OTOF: variants seen among roughly 807,000 people sequenced by gnomAD.
OTOF encodes the protein otoferlin, also known as fer-1-like family member 2.
OTOF carries 218 observed loss-of-function variants against 236.8 expected under a neutral mutation model. The ratio of observed to expected loss-of-function variants is 0.92; its 90% CI spans 0.82 to 1.03. The LOEUF (loss-of-function observed/expected upper bound fraction) is 1.03, where lower values mean the gene tolerates loss of function less well. OTOF is among the 50% of genes least tolerant of loss of function. The pLI is 0.00. For synonymous variants in OTOF, 1,041 were observed against 1,072.5 expected (o/e 0.97, Z 0.57); for missense variants, 2,590 against 2,694.4 (o/e 0.96, Z 0.86).
At chr2:26,478,016 C>T in intron 18 of OTOF, 1 of 1,446,170 alleles carries the variant, frequency 6.9e-7, no homozygotes, top group South Asian at 1.5e-5. Context: ...CTCTGGTGAG[C>T]TCACAGGGCC....
chr2:26,474,458 C>A (rs1000918315), intron 26 of OTOF, 55 bp downstream of exon 26: 3 of 1,507,996 alleles, frequency 2.0e-6, no homozygotes, highest in Non-Finnish European at 2.7e-6. Context: ...AGCCCTAGGC[C>A]CCAACTCCCA....
chr2:26,491,984 T>A (rs1665860387), intron 9 of OTOF, among the ~76,000 whole-genome samples: 1 of 152,256 alleles, frequency 6.6e-6, no homozygotes, highest in Admixed American at 6.5e-5. Flanking sequence ...GTTGTTTTAA[T>A]GGAGCCAAAG....
rs76111895 is a variant in OTOF, at chr2:26,532,564, G to A, written c.139-4644C>T. ...GTTTCTCAGTCCTGGGGATGGTCCT[G>A]GATAGTTCTGGAGACAGACACAGAC... On this transcript the variant is annotated intron_variant, in intron 2 of 46. Coordinates refer to ENST00000272371, the MANE Select transcript of OTOF (RefSeq NM_194248.3). 1.1e-4 allele frequency among the ~76,000 whole-genome samples: 17 copies of A among 152,326 alleles called. No individual in the cohort carries two copies. In the East Asian group the frequency reaches 2.9e-3, roughly 26 times the overall value.
chr2:26,476,814 A>G (rs1665319563), intron 22 of OTOF, 77 bp downstream of exon 22: 4 of 1,374,964 alleles, frequency 2.9e-6, no homozygotes, highest in Non-Finnish European at 4.1e-6. Context: ...CCTGTCACTC[A>G]GGCTTCCAGC....
At chr2:26,557,257 T>C (rs768361042) in intron 1 of OTOF, among the ~76,000 whole-genome samples, 5 of 152,150 alleles carry the variant, frequency 3.3e-5, no homozygotes, top group Non-Finnish European at 7.3e-5. Context: ...GCCCCAAGGC[T>C]CACTTTGCTC....
chr2:26,463,023 C>T (rs942436466), intron 41 of OTOF, among the ~76,000 whole-genome samples: 4 of 152,152 alleles, frequency 2.6e-5, no homozygotes, highest in South Asian at 2.1e-4. Context: ...GAAAACTTGG[C>T]GGAACATCAC....
At chr2:26,513,797 G>A (rs1243833780) in intron 5 of OTOF, among the ~76,000 whole-genome samples, 1 of 152,214 alleles carries the variant, frequency 6.6e-6, no homozygotes, top group African/African-American at 2.4e-5. Context: ...CCCTTCCCCG[G>A]TGTTGTCCTC....
intron 1 of OTOF, among the ~76,000 whole-genome samples, chr2:26,548,823 G>A: frequency 6.6e-6 from 1 of 152,178 alleles, no homozygotes; most frequent in Non-Finnish European, 1.5e-5. Context: ...ACTCTATGAT[G>A]TTCACACAAT....
chr2:26,558,619 G>T lies in OTOF; in HGVS notation c.-48C>A. The T allele has an allele frequency of 6.6e-7, 1 of 1,508,016 alleles. No homozygotes were observed. The highest frequency in any genetic ancestry group is 9.2e-7 in the Non-Finnish European group (1 of 1,084,722). The allele number at this position is 1,508,016 out of a possible 1,614,324, so 93.4% of individuals were successfully genotyped here. On this transcript the variant is annotated 5_prime_UTR_variant, in exon 1 of 47. Coordinates refer to ENST00000272371, the MANE Select transcript of OTOF (RefSeq NM_194248.3). ...TGCCAGGCAGGAGCAGCGGGAAGGA[G>T]CTAGCCGGTGGAGCACGGCTCACAC... is the stretch of plus-strand genomic sequence containing the variant.
intron 1 of OTOF, among the ~76,000 whole-genome samples, chr2:26,538,816 ATT>A (rs35315095): frequency 4.3e-5 from 6 of 138,728 alleles, no homozygotes; most frequent in Non-Finnish European, 4.6e-5. Flanking sequence ...GGGAAACACC[ATT>A]TTTTTTTTTT....
chr2:26,518,522 G>C (rs1409023618), intron 4 of OTOF, among the ~76,000 whole-genome samples: 1 of 152,254 alleles, frequency 6.6e-6, no homozygotes, highest in Non-Finnish European at 1.5e-5. Context: ...TTCTTTGTTA[G>C]AACATGTGTC....
intron 2 of OTOF, among the ~76,000 whole-genome samples, chr2:26,533,441 T>G (rs1666997656): frequency 6.6e-6 from 1 of 152,172 alleles, no homozygotes; most frequent in Non-Finnish European, 1.5e-5. Context: ...TCTCTCTCTC[T>G]CTGTTTCTGT....
Position 26,489,754 on chromosome 2 carries a change from G to T in OTOF, c.898-14C>A. The T allele has an allele frequency of 6.2e-7, 1 of 1,607,284 alleles. No homozygotes were observed. The highest frequency in any genetic ancestry group is 8.5e-7 in the Non-Finnish European group (1 of 1,174,814). ...GAAGACGAAGTACTGGAGGGGGAAGGATCCAGGCCTGCTGTCACTGAGGGC... is the reference window on the plus strand; with the variant it reads ...GAAGACGAAGTACTGGAGGGGGAAGTATCCAGGCCTGCTGTCACTGAGGGC... On this transcript the variant is annotated splice_polypyrimidine_tract_variant and intron_variant, in intron 9 of 46. Transcript: ENST00000272371.
At chr2:26,489,331 A>G (rs1665779519) in intron 10 of OTOF, 36 bp from the exon 11 acceptor site, 1 of 1,520,402 alleles carries the variant, frequency 6.6e-7, no homozygotes, top group Non-Finnish European at 9.1e-7. Context: ...CGTCAGGCCC[A>G]GCAAGGGTGA....
At chr2:26,490,484 G>A (rs1665812762) in intron 9 of OTOF, among the ~76,000 whole-genome samples, 1 of 152,254 alleles carries the variant, frequency 6.6e-6, no homozygotes, top group African/African-American at 2.4e-5. Flanking sequence ...TGGCCTGGGT[G>A]TGCAGGTGCT....
chr2:26,555,118 C>G (rs1667555035), intron 1 of OTOF, among the ~76,000 whole-genome samples: 1 of 152,202 alleles, frequency 6.6e-6, no homozygotes. Flanking sequence ...ATGTAGGGAA[C>G]TATCTCAGGA....
At chr2:26,557,488 C>G (rs990695943) in intron 1 of OTOF, among the ~76,000 whole-genome samples, 1 of 152,162 alleles carries the variant, frequency 6.6e-6, no homozygotes, top group Non-Finnish European at 1.5e-5. Context: ...CCGCTGTCCC[C>G]GGGGTCAGGT....
At chr2:26,514,380 C>G (rs1666467995) in intron 5 of OTOF, among the ~76,000 whole-genome samples, 1 of 152,246 alleles carries the variant, frequency 6.6e-6, no homozygotes. Context: ...GGGGAAGCCA[C>G]CAGGCTGTGA....
rs1278053173 is a variant in OTOF, at chr2:26,479,459, G to A, written c.2093+14C>T. The A allele has an allele frequency of 6.2e-7, 1 of 1,603,334 alleles. No homozygotes were observed. Among genetic ancestry groups the A allele is most frequent in the Non-Finnish European group, 8.5e-7 (1 of 1,175,824 alleles). On this transcript the variant is annotated intron_variant, in intron 17 of 46. Coordinates refer to ENST00000272371, the MANE Select transcript of OTOF (RefSeq NM_194248.3). ...GGAGGGCCAGGCCACAGGAGGATGG[G>A]AGGCTGGGCCCACCTGTCGGTGACC...
Sources: gnomAD v4.1 joint callset for allele counts (sites outside exome capture counted in the v4.1 genomes callset) on GRCh38, gnomAD v4.1.1 for gene constraint, MANE v1.5 for transcripts, NCBI Gene and HGNC (gene_info 2026-07-23, HGNC 2026-07-21) for gene names.